The following UGT8 variants were observed in gnomAD, a reference collection of about 807,000 sequenced individuals.
The protein encoded by UGT8 is 2-hydroxyacylsphingosine 1-beta-galactosyltransferase.
A neutral mutation model predicts 40.5 loss-of-function variants in UGT8; 12 were observed. The ratio of observed to expected loss-of-function variants is 0.30; its 90% CI spans 0.19 to 0.48. The LOEUF (loss-of-function observed/expected upper bound fraction) is 0.48. Among genes scored for constraint, UGT8 ranks in the 20% least tolerant of loss-of-function variants. The pLI is 0.99. For synonymous variants in UGT8, 224 were observed against 240.4 expected (o/e 0.93, Z 0.63); for missense variants, 513 against 648.7 (o/e 0.79, Z 2.27).
At chr4:114,605,916 A>G (rs543244006) in intron 1 of UGT8, among the ~76,000 whole-genome samples, 2 of 152,264 alleles carry the variant, frequency 1.3e-5, no homozygotes, top group South Asian at 4.1e-4. Context: ...TACAGAAAAA[A>G]ATTGTGGTTA....
chr4:114,615,453 TC>T (rs1432764634), intron 1 of UGT8, among the ~76,000 whole-genome samples: 1 of 151,922 alleles, frequency 6.6e-6, no homozygotes, highest in East Asian at 1.9e-4. Flanking sequence ...CTGGGAAACT[TC>T]CCCCCTCCCC....
At chr4:114,672,619 A>T (rs1471477265) in intron 5 of UGT8, among the ~76,000 whole-genome samples, 1 of 152,006 alleles carries the variant, frequency 6.6e-6, no homozygotes, top group African/African-American at 2.4e-5. Flanking sequence ...GAACAATGAG[A>T]ACGTATGGAC....
intron 2 of UGT8, among the ~76,000 whole-genome samples, chr4:114,659,401 C>T (rs1176075584): frequency 6.6e-6 from 1 of 152,120 alleles, no homozygotes; most frequent in Non-Finnish European, 1.5e-5. Context: ...TGGAATTATT[C>T]ATTCTGATAT....
At position 114,635,168 on chromosome 4, in the gene UGT8, T is replaced by C. The variant is rs113253345; in HGVS notation, c.822+11466T>C. On this transcript the variant is annotated intron_variant, in intron 2 of 5. Coordinates refer to ENST00000310836, the MANE Select transcript of UGT8 (RefSeq NM_001128174.3). ...GAGTTCGAGACCAGCCTGGCCATCA[T>C]GATCAAACCCCATCTCTACTCACAA... 9.2e-3 allele frequency among the ~76,000 whole-genome samples: 1,406 copies of C among 152,174 alleles called. 16 individuals carry two copies. Among genetic ancestry groups the C allele is most frequent in the Non-Finnish European group, 0.014 (951 of 67,998 alleles).
intron 1 of UGT8, among the ~76,000 whole-genome samples, chr4:114,613,018 T>A (rs1434279821): frequency 6.6e-6 from 1 of 152,120 alleles, no homozygotes; most frequent in Non-Finnish European, 1.5e-5. Context: ...TTTAGAATAG[T>A]AAGGGATATT....
intron 2 of UGT8, among the ~76,000 whole-genome samples, chr4:114,632,841 A>C (rs1732656644): frequency 6.6e-6 from 1 of 152,240 alleles, no homozygotes; most frequent in African/African-American, 2.4e-5. Flanking sequence ...CCGAAGTTGC[A>C]AAAGTCAATA....
At chr4:114,612,451 GATT>G (rs1731150551) in intron 1 of UGT8, among the ~76,000 whole-genome samples, 1 of 152,044 alleles carries the variant, frequency 6.6e-6, no homozygotes, top group Non-Finnish European at 1.5e-5. Flanking sequence ...CTTCCCAGGT[GATT>G]ATTATGTGCA....
At chr4:114,658,602 C>T (rs1442189203) in intron 2 of UGT8, among the ~76,000 whole-genome samples, 5 of 152,072 alleles carry the variant, frequency 3.3e-5, no homozygotes, top group African/African-American at 7.2e-5. Context: ...GGGCTTGCAC[C>T]GTTCAACTTT....
intron 1 of UGT8, 171 bp from the exon 2 acceptor site, chr4:114,622,708 A>G (rs1731894531): frequency 1.8e-6 from 1 of 568,296 alleles, no homozygotes; most frequent in Non-Finnish European, 3.0e-6. Flanking sequence ...GCATTTTTTC[A>G]TGTGTTTTTT....
At chr4:114,668,807 A>G (rs573899298) in intron 5 of UGT8, among the ~76,000 whole-genome samples, 57 of 152,306 alleles carry the variant, frequency 3.7e-4, no homozygotes, top group African/African-American at 1.3e-3. Context: ...AGCACTGAGT[A>G]TTGCAGAAAT....
At chr4:114,616,381 G>T (rs1337671781) in intron 1 of UGT8, among the ~76,000 whole-genome samples, 2 of 152,178 alleles carry the variant, frequency 1.3e-5, no homozygotes, top group East Asian at 1.9e-4. Flanking sequence ...GGCTCCATGG[G>T]CGTAGGACCC....
chr4:114,642,655 T>A (rs1157714457), intron 2 of UGT8, among the ~76,000 whole-genome samples: 1 of 152,142 alleles, frequency 6.6e-6, no homozygotes, highest in Non-Finnish European at 1.5e-5. Context: ...TTTTATTTAT[T>A]TCATCTTTCT....
rs537389906 is a variant in UGT8, at chr4:114,658,638, G to A, written c.823-5357G>A. Among the ~76,000 whole-genome samples, 4 of 152,288 alleles carry A rather than the reference G, an allele frequency of 2.6e-5. No homozygotes were observed. In the East Asian group the frequency reaches 5.8e-4, roughly 22 times the overall value. On this transcript the variant is annotated intron_variant, in intron 2 of 5. Transcript: ENST00000310836. ...TAATTATACTTGCACTGTTTCTGAA[G>A]CTCATTTTTTAAGAAGCTACTTACA...
rs1449749285 is a variant in UGT8 at position 114,678,197 on chromosome 4, C to G, written c.*1909C>G. 1 of 152,068 alleles carries G rather than the reference C, an allele frequency of 6.6e-6. No individual in the cohort carries two copies. Among genetic ancestry groups the G allele is most frequent in the Non-Finnish European group, 1.5e-5 (1 of 67,998 alleles). The allele number at this position is 152,068 out of a possible 1,614,324, so 9.4% of individuals were successfully genotyped here. A position where few individuals can be genotyped will look rare whatever the true frequency, so the allele number is the denominator to read the frequency against. ...AAGTTAATCTCCACTGTGATAAAAA[C>G]TTAAATAATAAACATGATTTAAAAT... On this transcript the variant is annotated 3_prime_UTR_variant, in exon 6 of 6. Coordinates refer to ENST00000310836, the MANE Select transcript of UGT8 (RefSeq NM_001128174.3).
Position 114,676,214 on chromosome 4 carries a change from C to G in UGT8, c.1552C>G (p.His518Asp). The G allele has an allele frequency of 6.2e-7, 1 of 1,613,828 alleles. No homozygotes were observed. Among genetic ancestry groups the G allele is most frequent in the East Asian group, 2.2e-5 (1 of 44,876 alleles). Residue 518 changes from histidine to aspartate, a missense_variant, in exon 6 of 6, where the codon CAT becomes GAT. Coordinates refer to ENST00000310836, the MANE Select transcript of UGT8 (RefSeq NM_001128174.3). ...AAATAAGCATAGCACAGTTAATGGA[C>G]ATTACCACAATGGAATCCTCAATGG... ...SRNKHSTVNGHYHNGILNGKY... is the reference protein window; with the variant it reads ...SRNKHSTVNGDYHNGILNGKY...
At chr4:114,606,355 C>T (rs548393794) in intron 1 of UGT8, among the ~76,000 whole-genome samples, 1 of 152,220 alleles carries the variant, frequency 6.6e-6, no homozygotes, top group South Asian at 2.1e-4. Context: ...GGCAGTTAGT[C>T]TTAGGCCTAA....
chr4:114,677,248 G>A lies in UGT8; in HGVS notation c.*960G>A, dbSNP rs532781679. 6 of 152,252 alleles carry A rather than the reference G, an allele frequency of 3.9e-5. No individual in the cohort carries two copies. The highest frequency in any genetic ancestry group is 3.3e-4 in the Admixed American group (5 of 15,292). 9.4% of individuals were successfully genotyped at this position (152,252 alleles called of 1,614,324 possible). A position where few individuals can be genotyped will look rare whatever the true frequency, so the allele number is the denominator to read the frequency against. The stretch of plus-strand genomic sequence containing the variant: ...CTTTTCTATAATGTAATTTTTGAAT[G>A]TTCAGGTGTTACATTTCCAAAGTTT... On this transcript the variant is annotated 3_prime_UTR_variant, in exon 6 of 6. Transcript: ENST00000310836.
chr4:114,608,935 A>G (rs115563537), intron 1 of UGT8, among the ~76,000 whole-genome samples: 1,949 of 152,328 alleles, frequency 0.013, 31 homozygotes, highest in African/African-American at 0.035. Context: ...ACCTTTTATA[A>G]CAATTAAATC....
In UGT8 at chr4:114,623,557, C is replaced by T. The variant is rs4148254; in HGVS notation, c.677C>T (p.Pro226Leu). ...ERIMQKYNLL[P>L]EKSMYDLVHG... ...ATAATGCAGAAGTACAACCTGCTGC[C>T]AGAGAAGTCCATGTATGATTTGGTT... Residue 226 changes from proline (P) to leucine (L), a missense_variant, in exon 2 of 6, where the codon CCA (proline) becomes CTA (leucine). Transcript: ENST00000310836. The T allele has an allele frequency of 0.034, 55,544 of 1,613,928 alleles. 1,562 individuals carry two copies. Among genetic ancestry groups the T allele is most frequent in the East Asian group, 0.14 (6,273 of 44,854 alleles).
Sources: allele counts gnomAD v4.1 joint callset (sites outside exome capture counted in the v4.1 genomes callset), GRCh38; gene constraint gnomAD v4.1.1; transcripts MANE v1.5; gene names NCBI Gene and HGNC (gene_info 2026-07-23, HGNC 2026-07-21).